The following LIPA variants were observed in gnomAD, a reference collection of about 807,000 sequenced individuals.
LIPA encodes the protein lipase A, lysosomal acid type, also known as lysosomal acid lipase/cholesteryl ester hydrolase.
A neutral mutation model predicts 40.6 loss-of-function variants in LIPA; 26 were observed. The ratio of observed to expected loss-of-function variants is 0.64; its 90% CI spans 0.47 to 0.89. LIPA has a LOEUF of 0.89. LIPA is among the 40% of genes least tolerant of loss of function. The pLI is 0.00. For missense variants in LIPA, 455 were observed against 479.6 expected, an observed-to-expected ratio of 0.95 and a Z score of 0.48; for synonymous variants, 188 against 168.4, an observed-to-expected ratio of 1.12 and a Z score of -0.90.
At chr10:89,280,385 A>G (rs970131637) in intron 1 of LIPA, among the ~76,000 whole-genome samples, 10 of 152,206 alleles carry the variant, frequency 6.6e-5, no homozygotes, top group African/African-American at 2.4e-4. Context: ...GTTCCTTGAG[A>G]CACTAGAAGG....
chr10:89,384,823 G>A, intron 2 of LIPA: 1 of 1,235,616 alleles, frequency 8.1e-7, no homozygotes, highest in South Asian at 1.5e-5. Flanking sequence ...TAAAGCTGTT[G>A]GAAATTTACC....
At chr10:89,298,195 A>G (rs767506605) in intron 1 of LIPA, among the ~76,000 whole-genome samples, 14 of 152,174 alleles carry the variant, frequency 9.2e-5, no homozygotes, top group Admixed American at 3.9e-4. Context: ...CATCTGAGCA[A>G]GCTATCTGGG....
intron 9 of LIPA, 68 bp downstream of exon 9, chr10:89,215,870 G>A: frequency 9.9e-7 from 1 of 1,007,860 alleles, no homozygotes; most frequent in Non-Finnish European, 1.6e-6. Flanking sequence ...CCAGAATCCT[G>A]ATAGGCCAGG....
At position 89,370,229 on chromosome 10, in the gene LIPA, GT is replaced by G. The variant is rs536423128; in HGVS notation, c.61+42561del. Among the ~76,000 whole-genome samples, 72 of 146,530 alleles carry G rather than the reference GT, an allele frequency of 4.9e-4. No individual in the cohort carries two copies. The East Asian group carries it at 9.1e-3, about 18-fold the overall frequency. On this transcript the variant is annotated intron_variant, in intron 2 of 8. Coordinates refer to the LIPA transcript ENST00000371837. Reference sequence around the variant, plus strand: ...AATGTTTTCTTTTTTTGTTTGTTTTGTTTTTTTTTTTCTGAGACAGGATCTG... The same window carrying G: ...AATGTTTTCTTTTTTTGTTTGTTTTGTTTTTTTTTTCTGAGACAGGATCTG...
chr10:89,358,038 A>G (rs541104735), intron 2 of LIPA, among the ~76,000 whole-genome samples: 19 of 151,520 alleles, frequency 1.3e-4, no homozygotes, highest in African/African-American at 4.6e-4. Context: ...GATAACTGAG[A>G]AAAAAAAAGA....
intron 2 of LIPA, among the ~76,000 whole-genome samples, chr10:89,360,178 G>A (rs1366466739): frequency 6.6e-6 from 1 of 152,100 alleles, no homozygotes; most frequent in Non-Finnish European, 1.5e-5. Flanking sequence ...TAAAGAAATA[G>A]GAACCTGGAG....
intron 3 of LIPA, among the ~76,000 whole-genome samples, chr10:89,234,301 T>C (rs1353903188): frequency 2.0e-5 from 3 of 152,190 alleles, no homozygotes; most frequent in Admixed American, 6.5e-5. Context: ...TTGTCTGACC[T>C]GGGGACACAG....
chr10:89,305,444 G>A (rs1246403492), intron 1 of LIPA, among the ~76,000 whole-genome samples: 1 of 151,968 alleles, frequency 6.6e-6, no homozygotes, highest in Non-Finnish European at 1.5e-5. Flanking sequence ...GGAGAACTAA[G>A]GAATTAAGAA....
At chr10:89,242,980 G>T (rs1842980376) in intron 3 of LIPA, among the ~76,000 whole-genome samples, 1 of 152,168 alleles carries the variant, frequency 6.6e-6, no homozygotes, top group African/African-American at 2.4e-5. Context: ...TTTAACGTGG[G>T]TGGCCTAGAG....
At chr10:89,234,591 G>A (rs752383742) in intron 3 of LIPA, among the ~76,000 whole-genome samples, 4 of 152,218 alleles carry the variant, frequency 2.6e-5, no homozygotes, top group Non-Finnish European at 5.9e-5. Flanking sequence ...GACGCTGGAA[G>A]CAGGCCCAGC....
chr10:89,321,217 T>C (rs975853477), intron 1 of LIPA, among the ~76,000 whole-genome samples: 7 of 151,872 alleles, frequency 4.6e-5, no homozygotes, highest in African/African-American at 1.7e-4. Flanking sequence ...AATTGACAAA[T>C]GGGATCTAAT....
At chr10:89,395,534 T>C (rs1402396327) in intron 2 of LIPA, among the ~76,000 whole-genome samples, 3 of 152,186 alleles carry the variant, frequency 2.0e-5, no homozygotes, top group African/African-American at 7.2e-5. Context: ...CAAACTCTTC[T>C]TTACTGGTCA....
intron 2 of LIPA, among the ~76,000 whole-genome samples, chr10:89,361,474 G>A (rs562111143): frequency 6.6e-6 from 1 of 152,314 alleles, no homozygotes; most frequent in South Asian, 2.1e-4. Flanking sequence ...GTGAGAAAGA[G>A]CTTCTCCTTG....
Position 89,356,483 on chromosome 10 carries a change from C to G in LIPA, c.61+56308G>C, listed in dbSNP as rs560035828. ...CATCACTCACATTACTGTCTGAGTT[C>G]CGCCTCCTGTCAGATCAACAGAGGC... On this transcript the variant is annotated intron_variant, in intron 2 of 8. Transcript: ENST00000371837. Among the ~76,000 whole-genome samples, 23 of 152,238 alleles carry G rather than the reference C, an allele frequency of 1.5e-4. No individual in the cohort carries two copies. The South Asian group carries it at 1.9e-3, about 12-fold the overall frequency.
intron 1 of LIPA, chr10:89,327,985 T>A: frequency 1.4e-6 from 2 of 1,381,930 alleles, no homozygotes; most frequent in Non-Finnish European, 2.1e-6. Flanking sequence ...GTTCCTTCAG[T>A]ATTTACTTGA....
chr10:89,339,710 T>G (rs1487356032), intron 1 of LIPA: 2 of 1,614,066 alleles, frequency 1.2e-6, no homozygotes. Context: ...AATAAGGAAG[T>G]CCCTGATGCT....
intron 1 of LIPA, among the ~76,000 whole-genome samples, chr10:89,316,972 C>T (rs1589598936): frequency 6.6e-6 from 1 of 152,328 alleles, no homozygotes; most frequent in South Asian, 2.1e-4. Context: ...TTCCAGCAAA[C>T]TCCAACAGAC....
chr10:89,326,286 A>G (rs1410431562), intron 1 of LIPA, among the ~76,000 whole-genome samples: 1 of 152,232 alleles, frequency 6.6e-6, no homozygotes, highest in Non-Finnish European at 1.5e-5. Flanking sequence ...GTCATTTGCA[A>G]CAACATGGAT....
intron 1 of LIPA, among the ~76,000 whole-genome samples, chr10:89,292,906 C>T (rs958961741): frequency 6.6e-6 from 1 of 151,856 alleles, no homozygotes; most frequent in African/African-American, 2.4e-5. Context: ...GCCTCTGCCC[C>T]TCAAAGTGCT....
Sources: gnomAD v4.1 joint callset for allele counts (sites outside exome capture counted in the v4.1 genomes callset) on GRCh38, gnomAD v4.1.1 for gene constraint, MANE v1.5 for transcripts, NCBI Gene and HGNC (gene_info 2026-07-23, HGNC 2026-07-21) for gene names.